The following AFF4 variants were observed in gnomAD, a reference collection of about 807,000 sequenced individuals.
The protein encoded by AFF4 is ALF transcription elongation factor 4.
A neutral mutation model predicts 124.8 loss-of-function variants in AFF4; 13 were observed. That is an observed-to-expected ratio of 0.10 (90% CI 0.07 to 0.17). The LOEUF (loss-of-function observed/expected upper bound fraction) is 0.17. Among genes scored for constraint, AFF4 ranks in the 10% least tolerant of loss-of-function variants. The pLI is 1.00. For missense variants in AFF4, 1,092 were observed against 1,403.8 expected (o/e 0.78, Z 3.55); for synonymous variants, 477 against 496.1 (o/e 0.96, Z 0.51).
At chr5:132,904,086 T>C in intron 6 of AFF4, 1 of 326,374 alleles carries the variant, frequency 3.1e-6, no homozygotes, top group South Asian at 3.5e-5. Flanking sequence ...TGAGACCCTA[T>C]CTCTACTAAA....
intron 17 of AFF4, 62 bp downstream of exon 17, chr5:132,887,459 C>A (rs1055446493): frequency 7.0e-7 from 1 of 1,421,382 alleles, no homozygotes; most frequent in Non-Finnish European, 9.9e-7. Context: ...GAAGAGCACA[C>A]ACAGCACTAT....
intron 8 of AFF4, 133 bp downstream of exon 8, chr5:132,899,454 T>C (rs996498105): frequency 2.1e-5 from 19 of 892,588 alleles, no homozygotes; most frequent in Non-Finnish European, 2.6e-5. Flanking sequence ...AGAAGAAAAC[T>C]ACAACATTTC....
At chr5:132,943,693 G>T (rs1013946317) in intron 1 of AFF4, 1 of 251,362 alleles carries the variant, frequency 4.0e-6, no homozygotes. Flanking sequence ...CATCAAGAAC[G>T]TATCTGTCAA....
At chr5:132,946,822 A>C (rs1761708133) in intron 1 of AFF4, among the ~76,000 whole-genome samples, 1 of 152,196 alleles carries the variant, frequency 6.6e-6, no homozygotes, top group Non-Finnish European at 1.5e-5. Flanking sequence ...GTACACCTTA[A>C]AAATAAAAAT....
At chr5:132,953,099 G>C (rs1251078262) in intron 1 of AFF4, among the ~76,000 whole-genome samples, 1 of 151,430 alleles carries the variant, frequency 6.6e-6, no homozygotes, top group East Asian at 1.9e-4. Flanking sequence ...GGCAAGGTGA[G>C]AGGACTGCTT....
At chr5:132,941,277 C>CA (rs1377358065) in intron 1 of AFF4, among the ~76,000 whole-genome samples, 5 of 152,158 alleles carry the variant, frequency 3.3e-5, no homozygotes, top group African/African-American at 1.2e-4. Context: ...GTCAAACGGG[C>CA]AAAACTATTT....
intron 5 of AFF4, among the ~76,000 whole-genome samples, chr5:132,912,576 G>T (rs1760817459): frequency 6.6e-6 from 1 of 151,990 alleles, no homozygotes; most frequent in Admixed American, 6.6e-5. Flanking sequence ...GCCAAGGCTG[G>T]TCTCAAACTC....
chr5:132,891,828 T>C (rs1760266327), intron 13 of AFF4: 1 of 360,440 alleles, frequency 2.8e-6, no homozygotes, highest in African/African-American at 2.1e-5. Flanking sequence ...AATTTTAAAG[T>C]TCTTTTACAG....
At position 132,923,754 on chromosome 5, in the gene AFF4, A is replaced by G. The variant is rs142560070; in HGVS notation, c.1050+3367T>C. 9.8e-5 allele frequency among the ~76,000 whole-genome samples: 15 copies of G among 152,316 alleles called. No individual in the cohort carries two copies. In the East Asian group the frequency reaches 2.9e-3, roughly 29 times the overall value. ...TCTCTAAAAAATTAAAATAAAATAA[A>G]TAAGTAAAATTTAACATGCACTTAC... On this transcript the variant is annotated intron_variant, in intron 5 of 20. Transcript: ENST00000265343.
chr5:132,946,866 TATA>T (rs1447087440), intron 1 of AFF4, among the ~76,000 whole-genome samples: 1 of 149,138 alleles, frequency 6.7e-6, no homozygotes, highest in Non-Finnish European at 1.5e-5. Context: ...AAATGCATTC[TATA>T]ATTTTTTTAT....
intron 13 of AFF4, among the ~76,000 whole-genome samples, chr5:132,890,203 T>C (rs1433016079): frequency 6.6e-6 from 1 of 151,744 alleles, no homozygotes; most frequent in Admixed American, 6.6e-5. Flanking sequence ...TATATAATTA[T>C]ACTTTGAAAT....
chr5:132,879,204 G>A lies in AFF4; in HGVS notation c.*1855C>T, dbSNP rs1759911853. The A allele has an allele frequency of 9.1e-6, 2 of 220,024 alleles. No homozygotes were observed. The highest frequency in any genetic ancestry group is 1.3e-4 in the East Asian group (2 of 14,982). 13.6% of individuals were successfully genotyped at this position (220,024 alleles called of 1,614,324 possible). A position where few individuals can be genotyped will look rare whatever the true frequency, so the allele number is the denominator to read the frequency against. The stretch of plus-strand genomic sequence containing the variant: ...AACAGTTAAGAAGCTCTATAAATAT[G>A]AGGCCACAGGGACAATGAAAGTTCA... On this transcript the variant is annotated 3_prime_UTR_variant, in exon 21 of 21. Coordinates refer to ENST00000265343, the MANE Select transcript of AFF4 (RefSeq NM_014423.4).
In AFF4 at chr5:132,879,908, G is replaced by C; in HGVS notation, c.*1151C>G. ...CTTCATAATGCAAAAGGAGTAAACAGAAGATAGGTTTAAAAAGGAGAAATT... is the reference window on the plus strand; with the variant it reads ...CTTCATAATGCAAAAGGAGTAAACACAAGATAGGTTTAAAAAGGAGAAATT... On this transcript the variant is annotated 3_prime_UTR_variant, in exon 21 of 21. Transcript: ENST00000265343. 3.5e-6 allele frequency: 1 copy of C among 281,762 alleles called. No individual in the cohort carries two copies. Among genetic ancestry groups the C allele is most frequent in the Non-Finnish European group, 6.6e-6 (1 of 151,338 alleles). 17.5% of individuals were successfully genotyped at this position (281,762 alleles called of 1,614,324 possible).
At position 132,934,243 on chromosome 5, in the gene AFF4, G is replaced by A; in HGVS notation, c.822C>T (p.His274=). Residue 274 remains histidine (H), a synonymous_variant, in exon 3 of 21, where the codon CAC becomes CAT. Coordinates refer to ENST00000265343, the MANE Select transcript of AFF4 (RefSeq NM_014423.4). The part of the protein sequence containing the change: ...ESMEPKLSSE[H]YSSQSHGNSM... ...TGTTGCCATGGGATTGGCTGCTGTA[G>A]TGCTCAGAGGACAGCTTTGGTTCCA... The A allele has an allele frequency of 1.2e-6, 2 of 1,614,170 alleles. No homozygotes were observed. Among genetic ancestry groups the A allele is most frequent in the Non-Finnish European group, 1.7e-6 (2 of 1,180,028 alleles).
intron 12 of AFF4, 26 bp from the exon 13 acceptor site, chr5:132,892,430 T>C (rs1201009895): frequency 1.2e-6 from 2 of 1,600,390 alleles, no homozygotes; most frequent in Non-Finnish European, 1.7e-6. Context: ...AATGCCTTCA[T>C]TTCTCCACAC....
chr5:132,945,312 T>C (rs1305034943), intron 1 of AFF4: 2 of 152,174 alleles, frequency 1.3e-5, no homozygotes, highest in Non-Finnish European at 2.9e-5. Context: ...TCTCAGAATT[T>C]TGAGACCCAT....
At chr5:132,887,823 A>C in intron 16 of AFF4, 23 bp downstream of exon 16, 1 of 1,610,782 alleles carries the variant, frequency 6.2e-7, no homozygotes, top group Non-Finnish European at 8.5e-7. Context: ...ATTGCCAATG[A>C]TCTGCCAAGT....
At chr5:132,953,145 G>C (rs1761882299) in intron 1 of AFF4, among the ~76,000 whole-genome samples, 1 of 148,756 alleles carries the variant, frequency 6.7e-6, no homozygotes, top group African/African-American at 2.5e-5. Flanking sequence ...AGGCAACATA[G>C]GGAGAATCTG....
rs1250705648 is a variant in AFF4, at chr5:132,877,348, G to A, written c.*3711C>T. The A allele has an allele frequency of 9.3e-6, 2 of 214,494 alleles. No individual in the cohort carries two copies. The highest frequency in any genetic ancestry group is 1.9e-5 in the Non-Finnish European group (2 of 106,264). The allele number at this position is 214,494 out of a possible 1,614,324, so 13.3% of individuals were successfully genotyped here. A position where few individuals can be genotyped will look rare whatever the true frequency, so the allele number is the denominator to read the frequency against. ...AAAAGTTAATTTACTACAAATCATAGTAATTAAGCTTTAACAATCTAAAGG... is the reference window on the plus strand; with the variant it reads ...AAAAGTTAATTTACTACAAATCATAATAATTAAGCTTTAACAATCTAAAGG... On this transcript the variant is annotated 3_prime_UTR_variant, in exon 21 of 21. Coordinates refer to ENST00000265343, the MANE Select transcript of AFF4 (RefSeq NM_014423.4).
Sources: allele counts gnomAD v4.1 joint callset (sites outside exome capture counted in the v4.1 genomes callset), GRCh38; gene constraint gnomAD v4.1.1; transcripts MANE v1.5; gene names NCBI Gene and HGNC (gene_info 2026-07-23, HGNC 2026-07-21).